The following ZNF804A variants were observed in gnomAD, a reference collection of about 807,000 sequenced individuals.
ZNF804A encodes the protein zinc finger protein 804A.
ZNF804A carries 2 observed loss-of-function variants against 16.5 expected under a neutral mutation model. The observed-to-expected ratio is 0.12, with a 90% CI of 0.05 to 0.38. ZNF804A has a LOEUF of 0.38. ZNF804A is among the 10% of genes least tolerant of loss of function. The pLI is 0.99. For synonymous variants in ZNF804A, 534 were observed against 489.6 expected (o/e 1.09, Z -1.20); for missense variants, 1,473 against 1,390.7 (o/e 1.06, Z -0.94).
intron 1 of ZNF804A, among the ~76,000 whole-genome samples, chr2:184,811,757 T>C (rs565299267): frequency 6.6e-6 from 1 of 152,128 alleles, no homozygotes; most frequent in African/African-American, 2.4e-5. Context: ...AAATAAGTCA[T>C]CAAAATTTAG....
intron 1 of ZNF804A, among the ~76,000 whole-genome samples, chr2:184,825,852 T>C (rs1695156993): frequency 6.6e-6 from 1 of 151,986 alleles, no homozygotes; most frequent in Admixed American, 6.6e-5. Flanking sequence ...TGCCTTTTTA[T>C]TTTTTTAATT....
At chr2:184,647,390 C>T (rs139446475) in intron 1 of ZNF804A, among the ~76,000 whole-genome samples, 72 of 152,150 alleles carry the variant, frequency 4.7e-4, no homozygotes, top group African/African-American at 1.7e-3. Context: ...TACAGTGGTC[C>T]CTAACCAAAA....
intron 1 of ZNF804A, among the ~76,000 whole-genome samples, chr2:184,601,020 T>C (rs979078046): frequency 3.3e-5 from 5 of 152,136 alleles, no homozygotes; most frequent in Non-Finnish European, 5.9e-5. Context: ...ATCTTAGTTA[T>C]CATGAAAGAG....
In ZNF804A at chr2:184,939,071, T is replaced by C. The variant is rs1400962351; in HGVS notation, c.*45T>C. 1 of 1,588,790 alleles carries C rather than the reference T, an allele frequency of 6.3e-7. No homozygotes were observed. Among genetic ancestry groups the C allele is most frequent in the Non-Finnish European group, 8.6e-7 (1 of 1,165,696 alleles). On this transcript the variant is annotated 3_prime_UTR_variant, in exon 4 of 4. Transcript: ENST00000302277. ...AAAATACTCTTGTGAAAACTATTGC[T>C]ATATGCGTTAAGTGTTCATCTATGT...
At chr2:184,869,758 C>A (rs924676470) in intron 2 of ZNF804A, among the ~76,000 whole-genome samples, 1 of 151,988 alleles carries the variant, frequency 6.6e-6, no homozygotes, top group Admixed American at 6.6e-5. Flanking sequence ...TCCAGGTAAT[C>A]TGGACCTAAG....
At chr2:184,686,964 C>G (rs1042754625) in intron 1 of ZNF804A, among the ~76,000 whole-genome samples, 2 of 152,058 alleles carry the variant, frequency 1.3e-5, no homozygotes, top group Non-Finnish European at 1.5e-5. Flanking sequence ...TGAATATTTT[C>G]TCTGATTCAG....
At chr2:184,770,303 T>C (rs999054094) in intron 1 of ZNF804A, among the ~76,000 whole-genome samples, 1 of 152,230 alleles carries the variant, frequency 6.6e-6, no homozygotes, top group African/African-American at 2.4e-5. Context: ...CAGAGTACTA[T>C]AAAATACATA....
intron 1 of ZNF804A, among the ~76,000 whole-genome samples, chr2:184,762,823 A>G (rs1047173818): frequency 1.3e-4 from 20 of 152,110 alleles, no homozygotes; most frequent in Non-Finnish European, 2.4e-4. Flanking sequence ...GTTATTTCTA[A>G]GCAGTGAGGA....
At chr2:184,792,370 T>C (rs955203897) in intron 1 of ZNF804A, among the ~76,000 whole-genome samples, 1 of 152,194 alleles carries the variant, frequency 6.6e-6, no homozygotes, top group Non-Finnish European at 1.5e-5. Flanking sequence ...CTAATAGATG[T>C]GTAGCAGTAT....
intron 1 of ZNF804A, among the ~76,000 whole-genome samples, chr2:184,836,734 G>C (rs1695353732): frequency 6.6e-6 from 1 of 151,296 alleles, no homozygotes; most frequent in Admixed American, 6.6e-5. Flanking sequence ...TCTCTTGCGT[G>C]AGCATTTTTT....
At chr2:184,824,247 T>C (rs1220764834) in intron 1 of ZNF804A, among the ~76,000 whole-genome samples, 2 of 152,180 alleles carry the variant, frequency 1.3e-5, no homozygotes, top group African/African-American at 4.8e-5. Context: ...ACATTCTGTT[T>C]ACATTTCTGA....
intron 1 of ZNF804A, among the ~76,000 whole-genome samples, chr2:184,748,764 A>G (rs1283104781): frequency 6.6e-6 from 1 of 151,562 alleles, no homozygotes; most frequent in East Asian, 1.9e-4. Flanking sequence ...ATTTTTTTAT[A>G]TGGTGAAAGG....
In ZNF804A at chr2:184,933,658, G is replaced by A; in HGVS notation, c.311G>A (p.Arg104Lys). Residue 104 changes from arginine (R) to lysine (K), a missense_variant, in exon 3 of 4, where the codon AGG becomes AAG. Coordinates refer to ENST00000302277, the MANE Select transcript of ZNF804A (RefSeq NM_194250.2). ...GCTCGAAATGTAGCATCTAAATCCA[G>A]GAAAGATGAAAGAAAACAGGAAAAG... ...EFARNVASKS[R>K]KDERKQEKAL... 6.2e-7 allele frequency: 1 copy of A among 1,609,970 alleles called. No homozygotes were observed. The highest frequency in any genetic ancestry group is 2.2e-5 in the East Asian group (1 of 44,636).
intron 1 of ZNF804A, among the ~76,000 whole-genome samples, chr2:184,632,855 T>C (rs1006245497): frequency 5.9e-5 from 9 of 152,316 alleles, no homozygotes; most frequent in Admixed American, 1.3e-4. Context: ...TAGTCATATA[T>C]AGAAGGTTAT....
intron 1 of ZNF804A, among the ~76,000 whole-genome samples, chr2:184,717,467 T>C (rs908642862): frequency 1.3e-5 from 2 of 152,152 alleles, no homozygotes; most frequent in African/African-American, 4.8e-5. Flanking sequence ...TTCTTCACAG[T>C]AAATGTCCAG....
intron 2 of ZNF804A, among the ~76,000 whole-genome samples, chr2:184,869,975 T>G (rs1330034668): frequency 6.6e-6 from 1 of 152,018 alleles, no homozygotes; most frequent in Non-Finnish European, 1.5e-5. Flanking sequence ...ATGATTACAA[T>G]AGCTCACAAA....
At chr2:184,662,666 G>C (rs928576671) in intron 1 of ZNF804A, among the ~76,000 whole-genome samples, 15 of 152,016 alleles carry the variant, frequency 9.9e-5, no homozygotes, top group African/African-American at 3.4e-4. Context: ...TAATTTTAAT[G>C]GTTATGTGAA....
At chr2:184,694,848 A>C (rs937054771) in intron 1 of ZNF804A, among the ~76,000 whole-genome samples, 1 of 152,214 alleles carries the variant, frequency 6.6e-6, no homozygotes, top group African/African-American at 2.4e-5. Flanking sequence ...GGGCAGAAGG[A>C]GCTAGGCAAA....
Position 184,938,340 on chromosome 2 carries a change from G to A in ZNF804A, c.2944G>A (p.Gly982Arg). The change falls in exon 4 of 4, where the codon GGA (glycine) becomes AGA (arginine). Residue 982 changes from glycine (G) to arginine (R), a missense_variant. Physicochemically the swap from Gly to Arg is moderately radical, Grantham distance 125. Coordinates refer to ENST00000302277, the MANE Select transcript of ZNF804A (RefSeq NM_194250.2). ...HYELAEALPQGKMNETPTEWL... is the reference protein window; with the variant it reads ...HYELAEALPQRKMNETPTEWL... ...TGAACTGGCTGAGGCCCTTCCACAA[G>A]GAAAGATGAATGAGACACCAACTGA... is the stretch of plus-strand genomic sequence containing the variant. 1.2e-6 allele frequency: 2 copies of A among 1,614,132 alleles called. No individual in the cohort carries two copies. Among genetic ancestry groups the A allele is most frequent in the Non-Finnish European group, 8.5e-7 (1 of 1,180,032 alleles).
Sources: gnomAD v4.1 joint callset for allele counts (sites outside exome capture counted in the v4.1 genomes callset) on GRCh38, gnomAD v4.1.1 for gene constraint, MANE v1.5 for transcripts, NCBI Gene and HGNC (gene_info 2026-07-23, HGNC 2026-07-21) for gene names.